The following GABRA3 variants were observed in gnomAD, a reference collection of about 807,000 sequenced individuals.
GABRA3 encodes the protein gamma-aminobutyric acid receptor subunit alpha-3.
In GABRA3, 10 loss-of-function variants were observed where a neutral mutation model predicts 30.1. The observed-to-expected ratio is 0.33, with a 90% CI of 0.20 to 0.56. The LOEUF (loss-of-function observed/expected upper bound fraction) is 0.56. GABRA3 is among the 20% of genes least tolerant of loss of function. The pLI is 0.89. For missense variants in GABRA3, 233 were observed against 392.0 expected, an observed-to-expected ratio of 0.59 and a Z score of 3.42; for synonymous variants, 151 against 146.8, an observed-to-expected ratio of 1.03 and a Z score of -0.21.
intron 6 of GABRA3, 131 bp downstream of exon 6, chrX:152,224,632 C>T: frequency 2.4e-6 from 1 of 423,168 alleles, no homozygotes; most frequent in Non-Finnish European, 4.1e-6. Flanking sequence ...ACTCTCTGAC[C>T]CACCCTGATA....
chrX:152,427,133 C>T (rs1351536088), intron 1 of GABRA3, among the ~76,000 whole-genome samples: 4 of 111,115 alleles, frequency 3.6e-5, no homozygotes, highest in African/African-American at 6.5e-5. Flanking sequence ...TCTCTCACAC[C>T]TAATTCTCCC....
chrX:152,209,536 T>C (rs1937611515), intron 6 of GABRA3, among the ~76,000 whole-genome samples: 1 of 111,613 alleles, frequency 9.0e-6, no homozygotes, highest in African/African-American at 3.3e-5. Context: ...ACCCCTAATA[T>C]ACTCTATTGA....
At chrX:152,191,608 G>A (rs990522076) in intron 8 of GABRA3, among the ~76,000 whole-genome samples, 10 of 108,143 alleles carry the variant, frequency 9.2e-5, no homozygotes, top group Non-Finnish European at 1.7e-4. Context: ...GGCTATATGC[G>A]AAATCAAGCA....
chrX:152,206,246 G>A (rs772852312), intron 7 of GABRA3, among the ~76,000 whole-genome samples: 4 of 112,822 alleles, frequency 3.5e-5, no homozygotes, highest in South Asian at 3.6e-4. Flanking sequence ...CACCACTTTG[G>A]GCCACGTGAT....
At chrX:152,224,180 AACTC>A (rs1937894396) in intron 6 of GABRA3, among the ~76,000 whole-genome samples, 1 of 112,010 alleles carries the variant, frequency 8.9e-6, no homozygotes, top group African/African-American at 3.2e-5. Context: ...TCAGTTCAAA[AACTC>A]ACTCAAATTC....
chrX:152,373,834 GTCC>G (rs1340397413), intron 1 of GABRA3, among the ~76,000 whole-genome samples: 2 of 104,746 alleles, frequency 1.9e-5, no homozygotes, highest in Non-Finnish European at 3.9e-5. Context: ...GTGTCCAAGT[GTCC>G]TCATTGTTCA....
At chrX:152,209,345 G>T (rs17280085) in intron 6 of GABRA3, among the ~76,000 whole-genome samples, 1 of 110,610 alleles carries the variant, frequency 9.0e-6, no homozygotes, top group African/African-American at 3.3e-5. Flanking sequence ...CCCTGACATG[G>T]TTAACTCTTT....
At chrX:152,363,409 C>T (rs1009141966) in intron 2 of GABRA3, among the ~76,000 whole-genome samples, 2 of 111,683 alleles carry the variant, frequency 1.8e-5, no homozygotes, top group African/African-American at 3.3e-5. Flanking sequence ...TGCAGGGAGT[C>T]GCCTCACCTA....
chrX:152,174,698 G>T (rs1030265815), intron 9 of GABRA3, among the ~76,000 whole-genome samples: 3 of 111,252 alleles, frequency 2.7e-5, no homozygotes, highest in African/African-American at 9.8e-5. Context: ...TTAGCCCTTT[G>T]TCAGATGAGT....
At chrX:152,340,764 C>T (rs1017694952) in intron 3 of GABRA3, among the ~76,000 whole-genome samples, 3 of 111,640 alleles carry the variant, frequency 2.7e-5, no homozygotes, top group African/African-American at 9.7e-5. Context: ...ATCATTGGTT[C>T]TAAGCAATTT....
intron 1 of GABRA3, among the ~76,000 whole-genome samples, chrX:152,411,992 C>A (rs1410920574): frequency 9.0e-6 from 1 of 110,808 alleles, no homozygotes; most frequent in Non-Finnish European, 1.9e-5. Flanking sequence ...AGCTTCTTAC[C>A]AAATTTTTTT....
chrX:152,249,628 T>C (rs942381411), intron 5 of GABRA3, among the ~76,000 whole-genome samples: 2 of 110,572 alleles, frequency 1.8e-5, no homozygotes, highest in African/African-American at 3.3e-5. Context: ...ATAAAGTCTT[T>C]AGTGGATCCT....
chrX:152,323,129 G>A (rs987115605), intron 3 of GABRA3, among the ~76,000 whole-genome samples: 3 of 110,694 alleles, frequency 2.7e-5, no homozygotes, highest in Non-Finnish European at 5.7e-5. Context: ...GGGATTATAG[G>A]CGTGAGCCAA....
At chrX:152,363,568 G>A (rs1040232259) in intron 2 of GABRA3, among the ~76,000 whole-genome samples, 1 of 110,600 alleles carries the variant, frequency 9.0e-6, no homozygotes, top group Non-Finnish European at 1.9e-5. Context: ...AGGTCAAATT[G>A]AGGCTACACC....
chrX:152,188,446 G>C (rs926794863), intron 9 of GABRA3, among the ~76,000 whole-genome samples: 1 of 110,982 alleles, frequency 9.0e-6, no homozygotes, highest in African/African-American at 3.3e-5. Flanking sequence ...AACTGGTAGA[G>C]AGAAGGAGAG....
intron 1 of GABRA3, among the ~76,000 whole-genome samples, chrX:152,375,316 T>C (rs1027759336): frequency 2.1e-5 from 2 of 95,172 alleles, no homozygotes; most frequent in African/African-American, 1.0e-4. Context: ...ATATCTATCA[T>C]AGTTATTTGA....
intron 9 of GABRA3, among the ~76,000 whole-genome samples, chrX:152,186,574 C>A (rs1272770080): frequency 9.5e-6 from 1 of 105,818 alleles, no homozygotes; most frequent in Admixed American, 1.0e-4. Flanking sequence ...TTTTTTTTTG[C>A]CTCCCTCCCT....
intron 5 of GABRA3, among the ~76,000 whole-genome samples, chrX:152,245,872 C>G (rs985766676): frequency 9.0e-6 from 1 of 111,700 alleles, no homozygotes; most frequent in Non-Finnish European, 1.9e-5. Flanking sequence ...CTGTTTAGCT[C>G]TCTGTCTTCT....
intron 4 of GABRA3, among the ~76,000 whole-genome samples, chrX:152,266,510 A>C (rs1938827695): frequency 8.9e-6 from 1 of 111,858 alleles, no homozygotes; most frequent in African/African-American, 3.2e-5. Context: ...TTCTATAGCC[A>C]AACTTAGATT....
Sources: gnomAD v4.1 joint callset for allele counts (sites outside exome capture counted in the v4.1 genomes callset) on GRCh38, gnomAD v4.1.1 for gene constraint, MANE v1.5 for transcripts, NCBI Gene and HGNC (gene_info 2026-07-23, HGNC 2026-07-21) for gene names.